The following PIK3R5 variants were observed in gnomAD, a reference collection of about 807,000 sequenced individuals.
PIK3R5 encodes phosphoinositide 3-kinase regulatory subunit 5.
Under a neutral mutation model 94.9 loss-of-function variants are expected in PIK3R5, and 32 were observed. The ratio of observed to expected loss-of-function variants is 0.34; its 90% CI spans 0.25 to 0.45. PIK3R5 has a LOEUF of 0.45. Ranked by LOEUF, PIK3R5 falls within the 20% of genes least tolerant of loss-of-function variation. The probability of loss-of-function intolerance (pLI) is 1.00; values close to 1 mark genes in which losing one functional copy is unlikely to be tolerated. For missense variants in PIK3R5, 853 were observed against 1,144.6 expected (o/e 0.75, Z 3.68); for synonymous variants, 443 against 479.4 (o/e 0.92, Z 0.99).
intron 1 of PIK3R5, among the ~76,000 whole-genome samples, chr17:8,941,748 C>G (rs936937567): frequency 6.6e-6 from 1 of 152,194 alleles, no homozygotes; most frequent in African/African-American, 2.4e-5. Context: ...TAGGGAACAC[C>G]TGCCGTGGTT....
intron 1 of PIK3R5, among the ~76,000 whole-genome samples, chr17:8,946,802 A>C (rs1438111675): frequency 1.3e-5 from 2 of 151,850 alleles, no homozygotes; most frequent in Non-Finnish European, 2.9e-5. Context: ...CTCTTCTTCT[A>C]GGTGTCTGCC....
At position 8,911,478 on chromosome 17, in the gene PIK3R5, G is replaced by T; in HGVS notation, c.17C>A (p.Thr6Lys). 1 of 1,599,410 alleles carries T rather than the reference G, an allele frequency of 6.3e-7. No individual in the cohort carries two copies. Among genetic ancestry groups the T allele is most frequent in the Non-Finnish European group, 8.5e-7 (1 of 1,179,650 alleles). MQPGA[T>K]TCTEDRIQHA... ...CTGGATGCGGTCCTCCGTGCATGTC[G>T]TGGCCCCTGGCTGCATCCTGGGTCA... Residue 6 changes from threonine to lysine, a missense_variant, in exon 2 of 19, where the codon ACG (threonine) becomes AAG (lysine). This residue lies in a region of PIK3R5 where 108 missense variants were observed against 170.1 expected (regional missense o/e 0.63). Coordinates refer to ENST00000447110, the MANE Select transcript of PIK3R5 (RefSeq NM_001142633.3). This position sits in a 1 kb window ranked among gnomAD's most constrained non-coding sequence, Gnocchi z 5.3.
Position 8,935,146 on chromosome 17 carries a change from A to G in PIK3R5, c.-13-23639T>C, listed in dbSNP as rs1464634310. Among the ~76,000 whole-genome samples the G allele has an allele frequency of 6.6e-6, 1 of 152,070 alleles. No homozygotes were observed. The highest frequency in any genetic ancestry group is 1.5e-5 in the Non-Finnish European group (1 of 68,004). On this transcript the variant is annotated intron_variant, in intron 1 of 18. Coordinates refer to ENST00000447110, the MANE Select transcript of PIK3R5 (RefSeq NM_001142633.3). This position sits in a 1 kb window ranked among gnomAD's most constrained non-coding sequence, Gnocchi z 4.5. The stretch of plus-strand genomic sequence containing the variant: ...CCCCCACCCTTTCAGCTCCCAGAGC[A>G]TCTCTGCTTCCACTGTGCCTGCGTT...
At chr17:8,948,694 A>C (rs571418521) in intron 1 of PIK3R5, among the ~76,000 whole-genome samples, 48 of 152,306 alleles carry the variant, frequency 3.2e-4, no homozygotes, top group African/African-American at 1.1e-3. Context: ...AAGCCACGCA[A>C]ACCCTCACGG....
chr17:8,880,349 C>A lies in PIK3R5; in HGVS notation c.*290G>T. The A allele has an allele frequency of 3.2e-6, 1 of 315,180 alleles. No individual in the cohort carries two copies. The highest frequency in any genetic ancestry group is 2.1e-5 in the African/African-American group (1 of 46,870). 19.5% of individuals were successfully genotyped at this position (315,180 alleles called of 1,614,324 possible). A position where few individuals can be genotyped will look rare whatever the true frequency, so the allele number is the denominator to read the frequency against. ...CTTCCTTCTAGAAAGGATCCTAGAC[C>A]ATGCTAATGGTCAGGGACTTCAGAG... On this transcript the variant is annotated 3_prime_UTR_variant, in exon 19 of 19. Coordinates refer to ENST00000447110, the MANE Select transcript of PIK3R5 (RefSeq NM_001142633.3).
chr17:8,908,338 C>G (rs2090438295), intron 3 of PIK3R5, among the ~76,000 whole-genome samples: 1 of 152,098 alleles, frequency 6.6e-6, no homozygotes, highest in African/African-American at 2.4e-5. Context: ...TCCAGACTTT[C>G]CATTTGGGTT....
Position 8,888,755 on chromosome 17 carries a change from A to G in PIK3R5, c.1032T>C (p.Asp344=), listed in dbSNP as rs370740526. 17 of 1,613,248 alleles carry G rather than the reference A, an allele frequency of 1.1e-5. No individual in the cohort carries two copies. The African/African-American group carries it at 2.1e-4, about 20-fold the overall frequency. The change falls in exon 10 of 19, where the codon GAT becomes GAC. Residue 344 remains aspartate (D), a synonymous_variant. Transcript: ENST00000447110. The surrounding 1 kb of genome is among the most constrained non-coding windows in gnomAD (Gnocchi z 7.8). ...LETDGHCAER[D]SLLSTSSLAS... ...CCAAAGAGCTGGTGGAGAGCAGGGA[A>G]TCTCTCTCGGCACAGTGCCCGTCAG...
At chr17:8,910,555 G>A (rs896057009) in intron 2 of PIK3R5, among the ~76,000 whole-genome samples, 2 of 152,218 alleles carry the variant, frequency 1.3e-5, no homozygotes, top group African/African-American at 4.8e-5. Context: ...GGCAAGTAGA[G>A]CCAGGGTCCT....
chr17:8,944,961 A>G (rs2091248572), intron 1 of PIK3R5, among the ~76,000 whole-genome samples: 1 of 152,220 alleles, frequency 6.6e-6, no homozygotes, highest in East Asian at 1.9e-4. Flanking sequence ...ATGAACGTCC[A>G]GCAAGTCCAC....
intron 1 of PIK3R5, among the ~76,000 whole-genome samples, chr17:8,937,531 C>T (rs1003548193): frequency 5.3e-5 from 8 of 152,088 alleles, no homozygotes; most frequent in African/African-American, 1.4e-4. Context: ...TAATTAACTA[C>T]GTTAGTTGAC....
intron 1 of PIK3R5, among the ~76,000 whole-genome samples, chr17:8,927,020 A>T (rs1370965883): frequency 4.6e-5 from 7 of 152,102 alleles, no homozygotes; most frequent in Admixed American, 2.0e-4. Flanking sequence ...TAAAACTAAC[A>T]TAAGAGACCC....
chr17:8,906,267 T>C (rs563552756), intron 3 of PIK3R5, among the ~76,000 whole-genome samples: 1 of 152,336 alleles, frequency 6.6e-6, no homozygotes, highest in Non-Finnish European at 1.5e-5. Context: ...TGGTTTTCTG[T>C]TCCTGTGTCT....
chr17:8,897,859 G>A (rs969114069), intron 5 of PIK3R5, among the ~76,000 whole-genome samples: 4 of 152,208 alleles, frequency 2.6e-5, no homozygotes, highest in African/African-American at 9.7e-5. Flanking sequence ...GATGAGGGAA[G>A]GCTGGTCCAG....
rs534143921 is a variant in PIK3R5 at position 8,933,926 on chromosome 17, C to G, written c.-13-22419G>C. Among the ~76,000 whole-genome samples the G allele has an allele frequency of 7.9e-5, 12 of 152,236 alleles. No homozygotes were observed. The East Asian group carries it at 2.3e-3, about 29-fold the overall frequency. ...AAACTCAACCCCCGTTTATAAGAAC[C>G]CTCAGTAAGAGGGAACTGCTCAAAC... is the stretch of plus-strand genomic sequence containing the variant. On this transcript the variant is annotated intron_variant, in intron 1 of 18. Coordinates refer to ENST00000447110, the MANE Select transcript of PIK3R5 (RefSeq NM_001142633.3).
In PIK3R5 at chr17:8,882,664, C is replaced by T. The variant is rs1597461405; in HGVS notation, c.2206-783G>A. ...GCCTCTCAACCTCAATAATATGTCC[C>T]GACCCAAACTCAAGCTCTTCCCCAA... On this transcript the variant is annotated intron_variant, in intron 15 of 18. Coordinates refer to ENST00000447110, the MANE Select transcript of PIK3R5 (RefSeq NM_001142633.3). This position sits in a 1 kb window ranked among gnomAD's most constrained non-coding sequence, Gnocchi z 4.1. Among the ~76,000 whole-genome samples, 1 of 152,108 alleles carries T rather than the reference C, an allele frequency of 6.6e-6. No individual in the cohort carries two copies. The highest frequency in any genetic ancestry group is 1.5e-5 in the Non-Finnish European group (1 of 68,028).
rs61759599 is a variant in PIK3R5, at chr17:8,898,061, T to A, written c.413-4406A>T. On this transcript the variant is annotated intron_variant, in intron 5 of 18. Transcript: ENST00000447110. The stretch of plus-strand genomic sequence containing the variant: ...CTCAGTCCTAACTGATCACACCGTG[T>A]GGTTTCTGGAACACCTGCCTCTACT... 5.0e-3 allele frequency among the ~76,000 whole-genome samples: 757 copies of A among 152,320 alleles called. 6 individuals carry two copies. The highest frequency in any genetic ancestry group is 0.017 in the African/African-American group (716 of 41,564).
At position 8,881,389 on chromosome 17, in the gene PIK3R5, C is replaced by T. The variant is rs2089652685; in HGVS notation, c.2382+241G>A. Among the ~76,000 whole-genome samples the T allele has an allele frequency of 6.6e-6, 1 of 152,068 alleles. No homozygotes were observed. The highest frequency in any genetic ancestry group is 2.1e-4 in the South Asian group (1 of 4,830). On this transcript the variant is annotated intron_variant, in intron 17 of 18. Coordinates refer to ENST00000447110, the MANE Select transcript of PIK3R5 (RefSeq NM_001142633.3). The surrounding 1 kb of genome is among the most constrained non-coding windows in gnomAD (Gnocchi z 4.8). ...TACACGCGTCCTCTCACAGGGCACC[C>T]CTACCTCCCCGACACCCCGCAACAC... is the stretch of plus-strand genomic sequence containing the variant.
At chr17:8,961,725 A>T (rs944329592) in intron 1 of PIK3R5, among the ~76,000 whole-genome samples, 1 of 152,228 alleles carries the variant, frequency 6.6e-6, no homozygotes, top group Non-Finnish European at 1.5e-5. Flanking sequence ...GAGAAGCTCC[A>T]TGGAAGCAGG....
Position 8,935,850 on chromosome 17 carries a change from C to A in PIK3R5, c.-13-24343G>T, listed in dbSNP as rs867564325. Among the ~76,000 whole-genome samples the A allele has an allele frequency of 1.3e-5, 2 of 151,882 alleles. No individual in the cohort carries two copies. The highest frequency in any genetic ancestry group is 2.4e-5 in the African/African-American group (1 of 41,332). On this transcript the variant is annotated intron_variant, in intron 1 of 18. Coordinates refer to ENST00000447110, the MANE Select transcript of PIK3R5 (RefSeq NM_001142633.3). The surrounding 1 kb of genome is among the most constrained non-coding windows in gnomAD (Gnocchi z 4.5). ...CGGGCGGATCACGAGGTCAGGAGAT[C>A]GAGACTATACTGGCTAACGCAGTGA...
Sources: gnomAD v4.1 joint callset for allele counts (sites outside exome capture counted in the v4.1 genomes callset) on GRCh38, gnomAD v4.1.1 for gene constraint, gnomAD v4.1.1 regional missense constraint, Gnocchi (gnomAD v3.1) non-coding constraint, MANE v1.5 for transcripts, NCBI Gene and HGNC (gene_info 2026-07-23, HGNC 2026-07-21) for gene names.